The following BEND2 variants were observed in gnomAD, a reference collection of about 807,000 sequenced individuals.
The protein encoded by BEND2 is BEN domain-containing protein 2.
BEND2 carries 19 observed loss-of-function variants against 43.8 expected under a neutral mutation model. The observed-to-expected ratio is 0.43, with a 90% confidence interval of 0.30 to 0.64. The LOEUF (loss-of-function observed/expected upper bound fraction) is 0.64, where lower values mean the gene tolerates loss of function less well. Among genes scored for constraint, BEND2 ranks in the 30% least tolerant of loss-of-function variants. The pLI is 0.11. For synonymous variants in BEND2, 226 were observed against 210.1 expected, an observed-to-expected ratio of 1.08 and a Z score of -0.66; for missense variants, 544 against 574.0, an observed-to-expected ratio of 0.95 and a Z score of 0.53.
intron 8 of BEND2, among the ~76,000 whole-genome samples, chrX:18,187,963 G>GA (rs1196531377): frequency 3.7e-5 from 4 of 108,249 alleles, no homozygotes; most frequent in Non-Finnish European, 7.7e-5. Flanking sequence ...GAGGGAAATT[G>GA]AAAAAAAAAT....
intron 1 of BEND2, among the ~76,000 whole-genome samples, chrX:18,217,922 AAATAATAAT>A (rs56310183): frequency 0.16 from 16,225 of 104,304 alleles, 1,073 homozygotes; most frequent in East Asian, 0.32. Flanking sequence ...CTCTACCAAA[AAATAATAAT>A]AATAATAATA....
At chrX:18,199,027 G>T (rs1194981180) in intron 6 of BEND2, among the ~76,000 whole-genome samples, 1 of 83,081 alleles carries the variant, frequency 1.2e-5, no homozygotes, top group Non-Finnish European at 2.2e-5. Context: ...ACAGGAAGGG[G>T]AACATCACAC....
Position 18,164,044 on chromosome X carries a change from A to T in BEND2, c.*965T>A, listed in dbSNP as rs1203746009. The T allele has an allele frequency of 9.1e-6, 1 of 110,163 alleles. No individual in the cohort carries two copies. The highest frequency in any genetic ancestry group is 1.9e-5 in the Non-Finnish European group (1 of 52,829). The allele number at this position is 110,163 out of a possible 1,213,427, so 9.1% of individuals were successfully genotyped here. On this transcript the variant is annotated 3_prime_UTR_variant, in exon 14 of 14. Coordinates refer to ENST00000380033, the MANE Select transcript of BEND2 (RefSeq NM_153346.5). ...TACTTCTTTTTTTTCTTTTCCCGAG[A>T]CGGAGTCTCACTCTGTCACCCAGGC...
intron 8 of BEND2, among the ~76,000 whole-genome samples, chrX:18,185,900 A>G (rs903459379): frequency 9.0e-6 from 1 of 111,117 alleles, no homozygotes; most frequent in East Asian, 2.8e-4. Context: ...TGAAGGAGAA[A>G]TAAAGACTTT....
intron 6 of BEND2, among the ~76,000 whole-genome samples, chrX:18,195,989 A>G (rs1924935418): frequency 9.0e-6 from 1 of 111,456 alleles, no homozygotes; most frequent in Admixed American, 9.6e-5. Context: ...TCAGGAAGGA[A>G]GAAAGACTGA....
At chrX:18,191,226 A>T in intron 7 of BEND2, 118 bp from the exon 8 acceptor site, 2 of 529,631 alleles carry the variant, frequency 3.8e-6, no homozygotes, top group Non-Finnish European at 5.9e-6. Context: ...AAAAATAAAG[A>T]CATTCTCAGA....
chrX:18,172,545 T>G (rs919105338), intron 12 of BEND2, among the ~76,000 whole-genome samples: 3 of 110,172 alleles, frequency 2.7e-5, no homozygotes, highest in East Asian at 2.8e-4. Context: ...TACAAAAAAA[T>G]TAGCCGGGCA....
At chrX:18,201,465 A>G (rs1925159651) in intron 6 of BEND2, among the ~76,000 whole-genome samples, 1 of 105,559 alleles carries the variant, frequency 9.5e-6, no homozygotes, top group Non-Finnish European at 1.9e-5. Context: ...GCTATTTGCA[A>G]TATGTATCAT....
At chrX:18,207,072 T>C (rs1183648036) in intron 4 of BEND2, among the ~76,000 whole-genome samples, 1 of 110,609 alleles carries the variant, frequency 9.0e-6, no homozygotes, top group Non-Finnish European at 1.9e-5. Context: ...GACCCTGGCC[T>C]AGCAGTGCAG....
At chrX:18,207,941 C>T (rs1301907205) in intron 4 of BEND2, among the ~76,000 whole-genome samples, 1 of 110,104 alleles carries the variant, frequency 9.1e-6, no homozygotes, top group Admixed American at 9.7e-5. Context: ...ATCGCTTAAG[C>T]CCGGGAGGCA....
chrX:18,188,596 A>G (rs1924651561), intron 8 of BEND2, among the ~76,000 whole-genome samples: 1 of 111,624 alleles, frequency 9.0e-6, no homozygotes. Context: ...CCAAAACCTG[A>G]ACAGATAAAT....
At chrX:18,178,446 G>A (rs933296362) in intron 9 of BEND2, among the ~76,000 whole-genome samples, 2 of 111,620 alleles carry the variant, frequency 1.8e-5, no homozygotes, top group Admixed American at 1.9e-4. Flanking sequence ...AAATCTGTCT[G>A]TTTATGAGTT....
intron 6 of BEND2, among the ~76,000 whole-genome samples, chrX:18,199,765 T>A (rs1925079966): frequency 9.0e-6 from 1 of 110,647 alleles, no homozygotes; most frequent in Non-Finnish European, 1.9e-5. Context: ...AATAAAGACA[T>A]TTTCACATGC....
intron 13 of BEND2, among the ~76,000 whole-genome samples, chrX:18,170,439 G>A (rs1348513645): frequency 8.9e-6 from 1 of 112,270 alleles, no homozygotes; most frequent in Non-Finnish European, 1.9e-5. Context: ...GAAAATGTAT[G>A]ATATGAAGGT....
intron 10 of BEND2, among the ~76,000 whole-genome samples, chrX:18,177,151 G>A (rs1924191797): frequency 9.2e-6 from 1 of 109,008 alleles, no homozygotes; most frequent in South Asian, 4.1e-4. Context: ...AGGCTAAAAA[G>A]AACTAATCAT....
intron 9 of BEND2, among the ~76,000 whole-genome samples, chrX:18,179,106 G>C (rs1924282836): frequency 9.4e-6 from 1 of 106,555 alleles, no homozygotes; most frequent in Admixed American, 1.0e-4. Flanking sequence ...CTTTCAGAAA[G>C]TTTGTACCAA....
intron 4 of BEND2, among the ~76,000 whole-genome samples, chrX:18,207,148 C>G (rs1012162833): frequency 8.9e-6 from 1 of 111,753 alleles, no homozygotes; most frequent in African/African-American, 3.3e-5. Context: ...CACTTCCCCC[C>G]AAGACTGCAT....
chrX:18,213,002 C>A (rs1272335826), intron 3 of BEND2, among the ~76,000 whole-genome samples: 1 of 111,312 alleles, frequency 9.0e-6, no homozygotes, highest in Non-Finnish European at 1.9e-5. Flanking sequence ...TGTAAAGGAG[C>A]CCCCAAAAGG....
chrX:18,213,293 G>T (rs947288651), intron 3 of BEND2, among the ~76,000 whole-genome samples: 1 of 112,078 alleles, frequency 8.9e-6, no homozygotes, highest in Non-Finnish European at 1.9e-5. Context: ...CCTAACTACG[G>T]AACTAGAAGA....
Sources: gnomAD v4.1 joint callset for allele counts (sites outside exome capture counted in the v4.1 genomes callset) on GRCh38, gnomAD v4.1.1 for gene constraint, MANE v1.5 for transcripts, NCBI Gene and HGNC (gene_info 2026-07-23, HGNC 2026-07-21) for gene names.